PTPRD: variants seen among roughly 807,000 people sequenced by gnomAD.
PTPRD encodes the protein protein tyrosine phosphatase receptor type D, also known as receptor-type tyrosine-protein phosphatase delta.
A neutral mutation model predicts 214.5 loss-of-function variants in PTPRD; 34 were observed. That is an observed-to-expected ratio of 0.16 (90% CI 0.12 to 0.21). PTPRD has a LOEUF of 0.21. Ranked by LOEUF, PTPRD falls within the 10% of genes least tolerant of loss-of-function variation. The probability of loss-of-function intolerance (pLI) is 1.00; values close to 1 mark genes in which losing one functional copy is unlikely to be tolerated. For synonymous variants in PTPRD, 1,128 were observed against 845.7 expected, an observed-to-expected ratio of 1.33 and a Z score of -5.79; for missense variants, 2,545 against 2,398.7, an observed-to-expected ratio of 1.06 and a Z score of -1.27.
At chr9:10,569,531 CTG>C (rs35865716) in intron 2 of PTPRD, among the ~76,000 whole-genome samples, 43 of 149,302 alleles carry the variant, frequency 2.9e-4, no homozygotes, top group Admixed American at 1.6e-3. Flanking sequence ...CTCTCTCTCT[CTG>C]TGTGTATATA....
chr9:8,770,810 T>C (rs772960970), intron 11 of PTPRD, among the ~76,000 whole-genome samples: 61 of 152,136 alleles, frequency 4.0e-4, no homozygotes, highest in Non-Finnish European at 6.2e-4. Context: ...CAAAACACAA[T>C]AGAAACCTGA....
intron 3 of PTPRD, among the ~76,000 whole-genome samples, chr9:10,129,157 A>C (rs1813503291): frequency 6.6e-6 from 1 of 152,170 alleles, no homozygotes; most frequent in South Asian, 2.1e-4. Flanking sequence ...TTTGTGTATG[A>C]ATTTAAAAGC....
intron 39 of PTPRD, among the ~76,000 whole-genome samples, chr9:8,363,516 G>A (rs918094750): frequency 6.6e-6 from 1 of 151,988 alleles, no homozygotes; most frequent in Non-Finnish European, 1.5e-5. Context: ...AAATTAAAAG[G>A]CCCTTTTTCC....
chr9:9,595,495 T>C (rs913340563), intron 7 of PTPRD, among the ~76,000 whole-genome samples: 6 of 150,890 alleles, frequency 4.0e-5, no homozygotes, highest in Non-Finnish European at 5.9e-5. Context: ...TATGCATATG[T>C]ACACATGTAC....
At chr9:8,786,587 G>T (rs1487054214) in intron 11 of PTPRD, among the ~76,000 whole-genome samples, 1 of 148,764 alleles carries the variant, frequency 6.7e-6, no homozygotes, top group Non-Finnish European at 1.5e-5. Flanking sequence ...GCTAATTTTT[G>T]TATTTTTAGT....
chr9:8,531,403 T>C (rs890453447), intron 14 of PTPRD, among the ~76,000 whole-genome samples: 7 of 152,170 alleles, frequency 4.6e-5, no homozygotes, highest in Admixed American at 4.6e-4. Context: ...GAAAGATCAA[T>C]AGCTGCTATA....
intron 12 of PTPRD, among the ~76,000 whole-genome samples, chr9:8,681,559 C>A (rs1351363246): frequency 6.6e-6 from 1 of 152,148 alleles, no homozygotes; most frequent in Non-Finnish European, 1.5e-5. Context: ...TCCTCCCCAT[C>A]TCCATACACA....
intron 3 of PTPRD, among the ~76,000 whole-genome samples, chr9:10,170,954 G>A (rs1022440079): frequency 2.0e-5 from 3 of 152,066 alleles, no homozygotes; most frequent in African/African-American, 7.2e-5. Context: ...TTTTCACCAA[G>A]TCCTTTTCCT....
intron 2 of PTPRD, among the ~76,000 whole-genome samples, chr9:10,368,006 T>C (rs968125987): frequency 3.3e-5 from 5 of 152,094 alleles, no homozygotes; most frequent in Non-Finnish European, 5.9e-5. Flanking sequence ...TTTATGTTTG[T>C]TGTATTATCT....
chr9:8,455,150 G>T (rs974450164), intron 33 of PTPRD, among the ~76,000 whole-genome samples: 22 of 152,290 alleles, frequency 1.4e-4, no homozygotes, highest in African/African-American at 4.8e-4. Context: ...TGGCAGAAAT[G>T]ATTTCTTCAA....
At chr9:10,203,281 A>G (rs2099441278) in intron 3 of PTPRD, among the ~76,000 whole-genome samples, 1 of 151,784 alleles carries the variant, frequency 6.6e-6, no homozygotes, top group Non-Finnish European at 1.5e-5. Context: ...CACTCAATAA[A>G]TCATTGGTGT....
At chr9:9,199,560 T>C (rs562435094) in intron 9 of PTPRD, among the ~76,000 whole-genome samples, 5 of 152,228 alleles carry the variant, frequency 3.3e-5, no homozygotes, top group African/African-American at 1.2e-4. Context: ...GATAAAAGTG[T>C]TATAAAGGAA....
At chr9:9,968,416 C>T (rs755979492) in intron 4 of PTPRD, among the ~76,000 whole-genome samples, 4 of 152,150 alleles carry the variant, frequency 2.6e-5, no homozygotes, top group Non-Finnish European at 4.4e-5. Flanking sequence ...TTAAAACATA[C>T]ACCTGTAAAA....
chr9:8,354,855 A>C (rs1469135553), intron 39 of PTPRD, among the ~76,000 whole-genome samples: 1 of 152,220 alleles, frequency 6.6e-6, no homozygotes, highest in Non-Finnish European at 1.5e-5. Context: ...GGCTGTAAGA[A>C]TGTTGGTCCA....
chr9:9,662,726 A>G (rs1009431504), intron 7 of PTPRD, among the ~76,000 whole-genome samples: 6 of 151,650 alleles, frequency 4.0e-5, no homozygotes, highest in Non-Finnish European at 1.5e-5. Context: ...TATCTACTGA[A>G]GGCTTGTCCG....
At chr9:9,733,724 G>A (rs140617477) in intron 7 of PTPRD, among the ~76,000 whole-genome samples, 4 of 152,124 alleles carry the variant, frequency 2.6e-5, no homozygotes, top group East Asian at 1.9e-4. Flanking sequence ...GGGTCACTGC[G>A]TCAGATGAGT....
At chr9:9,649,264 G>A (rs1309284262) in intron 7 of PTPRD, among the ~76,000 whole-genome samples, 2 of 152,070 alleles carry the variant, frequency 1.3e-5, no homozygotes, top group South Asian at 2.1e-4. Context: ...CCACTGTATT[G>A]CCAAAACTGC....
intron 5 of PTPRD, among the ~76,000 whole-genome samples, chr9:9,848,436 T>C (rs377164579): frequency 3.9e-5 from 6 of 152,076 alleles, no homozygotes; most frequent in African/African-American, 1.4e-4. Flanking sequence ...AAAGAACAAA[T>C]AGGGATAATG....
chr9:8,476,714 C>A (rs1209465824), intron 30 of PTPRD, among the ~76,000 whole-genome samples: 2 of 151,934 alleles, frequency 1.3e-5, no homozygotes, highest in Non-Finnish European at 2.9e-5. Context: ...ACATATAATA[C>A]CCCCAACATT....
Sources: gnomAD v4.1 joint callset for allele counts (sites outside exome capture counted in the v4.1 genomes callset) on GRCh38, gnomAD v4.1.1 for gene constraint, MANE v1.5 for transcripts, NCBI Gene and HGNC (gene_info 2026-07-23, HGNC 2026-07-21) for gene names.